Variants in SETD2 observed in about 807,000 individuals in gnomAD.
SETD2 encodes histone-lysine N-methyltransferase SETD2.
In SETD2, 31 loss-of-function variants were observed where a neutral mutation model predicts 242.1. That is an observed-to-expected ratio of 0.13 (90% CI 0.10 to 0.17). The LOEUF (loss-of-function observed/expected upper bound fraction) is 0.17, where lower values mean the gene tolerates loss of function less well. Ranked by LOEUF, SETD2 falls within the 10% of genes least tolerant of loss-of-function variation. The pLI is 1.00. For synonymous variants in SETD2, 1,006 were observed against 1,066.5 expected (o/e 0.94, Z 1.11); for missense variants, 2,481 against 3,046.3 (o/e 0.81, Z 4.37).
chr3:47,047,131 A>G (rs919189220), intron 15 of SETD2: 3 of 152,528 alleles, frequency 2.0e-5, no homozygotes, highest in African/African-American at 7.2e-5. Context: ...CTTTTGTTTT[A>G]GCTTTTTGTA....
At chr3:47,090,951 A>C in intron 9 of SETD2, among the ~76,000 whole-genome samples, 1 of 152,232 alleles carries the variant, frequency 6.6e-6, no homozygotes, top group East Asian at 1.9e-4. Flanking sequence ...TATTGTACCC[A>C]AAAATTCACA....
intron 1 of SETD2, among the ~76,000 whole-genome samples, chr3:47,130,198 A>G (rs2043445672): frequency 6.6e-6 from 1 of 152,218 alleles, no homozygotes; most frequent in African/African-American, 2.4e-5. Flanking sequence ...TGATTTCTCA[A>G]AAATATTAAA....
chr3:47,140,169 ATCAG>A (rs1311334037), intron 1 of SETD2, among the ~76,000 whole-genome samples: 1 of 152,198 alleles, frequency 6.6e-6, no homozygotes, highest in Non-Finnish European at 1.5e-5. Flanking sequence ...CGGAATTCTA[ATCAG>A]TGAGGAAAGG....
chr3:47,083,710 G>T lies in SETD2; in HGVS notation c.6060+10C>A, dbSNP rs764254414. On this transcript the variant is annotated intron_variant, in intron 12 of 20. Transcript: ENST00000409792. ...ATTCAAGTTGAAATGAACAAAAGAT[G>T]CTTCCTTACCTTTAGGTCTTTCCAA... 1 of 1,583,048 alleles carries T rather than the reference G, an allele frequency of 6.3e-7. No homozygotes were observed. The highest frequency in any genetic ancestry group is 8.6e-7 in the Non-Finnish European group (1 of 1,166,116).
chr3:47,142,923 G>A (rs937076393), intron 1 of SETD2, among the ~76,000 whole-genome samples: 5 of 152,112 alleles, frequency 3.3e-5, no homozygotes, highest in Non-Finnish European at 7.4e-5. Context: ...CCCCACCTCA[G>A]CCTCCCAAAG....
intron 16 of SETD2, among the ~76,000 whole-genome samples, chr3:47,045,685 T>TTA (rs1553681317): frequency 7.5e-6 from 1 of 133,230 alleles, no homozygotes; most frequent in African/African-American, 2.8e-5. Flanking sequence ...GTGACAGAGT[T>TTA]AAAAAAAAAA....
In SETD2 at chr3:47,163,928, G is replaced by C. The variant is rs1398906700; in HGVS notation, c.-4C>G. ...GCTGCGGCTGCAGCTGCTTCATCGG[G>C]AGCGGCTGGAGACGGCGACGCGAGC... is the stretch of plus-strand genomic sequence containing the variant. On this transcript the variant is annotated 5_prime_UTR_variant, in exon 1 of 21. Coordinates refer to ENST00000409792, the MANE Select transcript of SETD2 (RefSeq NM_014159.7). 2 of 1,299,536 alleles carry C rather than the reference G, an allele frequency of 1.5e-6. No homozygotes were observed. The highest frequency in any genetic ancestry group is 3.3e-5 in the Admixed American group (1 of 29,854). 80.5% of individuals were successfully genotyped at this position (1,299,536 alleles called of 1,614,324 possible). A position where few individuals can be genotyped will look rare whatever the true frequency, so the allele number is the denominator to read the frequency against.
intron 1 of SETD2, among the ~76,000 whole-genome samples, chr3:47,135,112 A>G (rs2043563508): frequency 6.6e-6 from 1 of 152,230 alleles, no homozygotes; most frequent in South Asian, 2.1e-4. Context: ...AACATGGCAC[A>G]GAGGTACATC....
rs1479731149 is a variant in SETD2 at position 47,122,024 on chromosome 3, T to C, written c.2612A>G (p.Tyr871Cys). ...SASVNHFDDLYQPIGSSGIAS... is the reference protein window; with the variant it reads ...SASVNHFDDLCQPIGSSGIAS... Reference sequence around the variant, plus strand: ...AATACCTGAACTCCCAATAGGTTGATATAAATCATCAAAATGATTAACAGA... The same window carrying C: ...AATACCTGAACTCCCAATAGGTTGACATAAATCATCAAAATGATTAACAGA... Residue 871 changes from tyrosine (Y) to cysteine (C), a missense_variant, in exon 3 of 21, where the codon TAT becomes TGT. Coordinates refer to ENST00000409792, the MANE Select transcript of SETD2 (RefSeq NM_014159.7). 10 of 1,613,786 alleles carry C rather than the reference T, an allele frequency of 6.2e-6. No individual in the cohort carries two copies. The Admixed American group carries it at 1.2e-4, about 19-fold the overall frequency.
intron 6 of SETD2, among the ~76,000 whole-genome samples, chr3:47,104,961 G>T (rs978438599): frequency 6.6e-6 from 1 of 152,000 alleles, no homozygotes; most frequent in Non-Finnish European, 1.5e-5. Flanking sequence ...TAGAGATGAG[G>T]TCTCACTATG....
chr3:47,142,734 T>C (rs1188448398), intron 1 of SETD2, among the ~76,000 whole-genome samples: 2 of 149,888 alleles, frequency 1.3e-5, no homozygotes, highest in African/African-American at 4.9e-5. Context: ...AATGGCGCAA[T>C]CTCGCTCACT....
chr3:47,096,959 C>T (rs1355050268), intron 9 of SETD2, among the ~76,000 whole-genome samples: 1 of 152,002 alleles, frequency 6.6e-6, no homozygotes, highest in African/African-American at 2.4e-5. Context: ...AATCTTCTTA[C>T]AGAATTCAGA....
At chr3:47,047,595 G>A (rs1221499854) in intron 15 of SETD2, among the ~76,000 whole-genome samples, 1 of 152,158 alleles carries the variant, frequency 6.6e-6, no homozygotes, top group Non-Finnish European at 1.5e-5. Context: ...AAAAACTCAA[G>A]TAGTCTGAAT....
At chr3:47,117,261 CAAAAAA>C (rs5848820) in intron 3 of SETD2, among the ~76,000 whole-genome samples, 5 of 66,490 alleles carry the variant, frequency 7.5e-5, no homozygotes, top group African/African-American at 1.4e-4. Context: ...CCTGCATTAC[CAAAAAA>C]AAAAAAAAAA....
chr3:47,113,763 C>T lies in SETD2; in HGVS notation c.4715+113G>A, dbSNP rs148336994. ...CTAAGGCAGGAGAATTGCTTGAATCCGGGAGGTAGAGGTTCCAGTGAGCCA... is the reference window on the plus strand; with the variant it reads ...CTAAGGCAGGAGAATTGCTTGAATCTGGGAGGTAGAGGTTCCAGTGAGCCA... On this transcript the variant is annotated intron_variant, in intron 5 of 20. Coordinates refer to ENST00000409792, the MANE Select transcript of SETD2 (RefSeq NM_014159.7). 3.8e-4 allele frequency: 360 copies of T among 953,530 alleles called. 2 individuals carry two copies. In the African/African-American group the frequency reaches 4.5e-3, roughly 12 times the overall value. 59.1% of individuals were successfully genotyped at this position (953,530 alleles called of 1,614,324 possible).
intron 1 of SETD2, among the ~76,000 whole-genome samples, chr3:47,158,276 A>G (rs2106847702): frequency 6.6e-6 from 1 of 152,358 alleles, no homozygotes; most frequent in Middle Eastern, 3.4e-3. Context: ...AATGATAAAC[A>G]TATTTCAAGA....
At chr3:47,037,401 G>A (rs1437654223) in intron 18 of SETD2, among the ~76,000 whole-genome samples, 1 of 150,116 alleles carries the variant, frequency 6.7e-6, no homozygotes, top group Non-Finnish European at 1.5e-5. Flanking sequence ...TTGTCCTTGC[G>A]ATAGTTTGCT....
chr3:47,052,568 G>A (rs1268524139), intron 15 of SETD2, among the ~76,000 whole-genome samples: 2 of 152,134 alleles, frequency 1.3e-5, no homozygotes, highest in Non-Finnish European at 2.9e-5. Context: ...TGTAATCCCA[G>A]CACTTTGGGA....
intron 15 of SETD2, among the ~76,000 whole-genome samples, chr3:47,050,324 C>T (rs778269620): frequency 2.0e-4 from 31 of 152,094 alleles, no homozygotes; most frequent in Admixed American, 5.9e-4. Flanking sequence ...CTAGCCTAGG[C>T]TTACACGGAG....
Sources: allele counts gnomAD v4.1 joint callset (sites outside exome capture counted in the v4.1 genomes callset), GRCh38; gene constraint gnomAD v4.1.1; transcripts MANE v1.5; gene names NCBI Gene and HGNC (gene_info 2026-07-23, HGNC 2026-07-21).